The following PPARGC1A variants were observed in gnomAD, a reference collection of about 807,000 sequenced individuals.
The protein encoded by PPARGC1A is PPARG coactivator 1 alpha, also known as peroxisome proliferator-activated receptor gamma coactivator 1-alpha.
PPARGC1A carries 25 observed loss-of-function variants against 88.7 expected under a neutral mutation model. The observed-to-expected ratio is 0.28, with a 90% CI of 0.21 to 0.39. PPARGC1A has a LOEUF of 0.39. Among genes scored for constraint, PPARGC1A ranks in the 10% least tolerant of loss-of-function variants. PPARGC1A has a pLI of 1.00. For synonymous variants in PPARGC1A, 363 were observed against 355.6 expected, an observed-to-expected ratio of 1.02 and a Z score of -0.24; for missense variants, 880 against 968.7, an observed-to-expected ratio of 0.91 and a Z score of 1.22.
At chr4:24,421,936 T>TA in the PPARGC1A span, among the ~76,000 whole-genome samples, 6 of 149,666 alleles carry the variant, frequency 4.0e-5, no homozygotes, top group Admixed American at 2.0e-4. Context: ...AGTTGTTGGT[T>TA]AAAAAAAAAA....
the PPARGC1A span, among the ~76,000 whole-genome samples, chr4:24,220,866 C>T: frequency 7.2e-5 from 11 of 151,962 alleles, no homozygotes; most frequent in Non-Finnish European, 1.5e-4. Context: ...CCTCTTGAAT[C>T]TAAAAAAAGA....
chr4:23,883,139 C>CA (rs1246726717), intron 2 of PPARGC1A: 3 of 152,198 alleles, frequency 2.0e-5, no homozygotes, highest in African/African-American at 7.2e-5. Context: ...GCCAAGTCCT[C>CA]ACATGAACTT....
chr4:24,422,936 C>T, the PPARGC1A span, among the ~76,000 whole-genome samples: 7 of 152,204 alleles, frequency 4.6e-5, no homozygotes, highest in Admixed American at 3.3e-4. Context: ...CATGCCGATT[C>T]ACTAAGGTGG....
chr4:24,195,561 CG>C, the PPARGC1A span, among the ~76,000 whole-genome samples: 13 of 152,202 alleles, frequency 8.5e-5, 1 homozygote, highest in African/African-American at 3.1e-4. Context: ...ACCAGATTTG[CG>C]TAATTAAATG....
chr4:24,230,953 AAAAAAT>A, the PPARGC1A span, among the ~76,000 whole-genome samples: 38 of 151,464 alleles, frequency 2.5e-4, no homozygotes, highest in Non-Finnish European at 5.5e-4. Flanking sequence ...AATTTATTAA[AAAAAAT>A]AAAAAAAGAC....
At chr4:23,817,921 C>A (rs186225565) in intron 7 of PPARGC1A, among the ~76,000 whole-genome samples, 1 of 152,202 alleles carries the variant, frequency 6.6e-6, no homozygotes, top group Non-Finnish European at 1.5e-5. Flanking sequence ...TAGTGTTAAA[C>A]TTTTCAGAGC....
At position 23,813,440 on chromosome 4, in the gene PPARGC1A, G is replaced by A. The variant is rs1456031134; in HGVS notation, c.1793+250C>T. Among the ~76,000 whole-genome samples the A allele has an allele frequency of 2.6e-5, 4 of 152,150 alleles. No homozygotes were observed. In the East Asian group the frequency reaches 5.8e-4, roughly 22 times the overall value. On this transcript the variant is annotated intron_variant, in intron 8 of 12. Transcript: ENST00000264867. ...CTCCAGGTAATGGAAAAAGTTGGATGAGCAAGTTTCTTAACAAATTGCTCT... is the reference window on the plus strand; with the variant it reads ...CTCCAGGTAATGGAAAAAGTTGGATAAGCAAGTTTCTTAACAAATTGCTCT...
chr4:24,440,989 C>T, the PPARGC1A span, among the ~76,000 whole-genome samples: 1 of 152,284 alleles, frequency 6.6e-6, no homozygotes, highest in African/African-American at 2.4e-5. Context: ...CAGCTGCTTC[C>T]CCCAGAAAAG....
the PPARGC1A span, among the ~76,000 whole-genome samples, chr4:24,368,913 C>T: frequency 6.6e-6 from 1 of 152,126 alleles, no homozygotes; most frequent in Non-Finnish European, 1.5e-5. Context: ...ATCTTATTCT[C>T]TCCTTTGAAA....
intron 2 of PPARGC1A, among the ~76,000 whole-genome samples, chr4:23,865,013 A>G (rs889047522): frequency 3.3e-5 from 5 of 152,112 alleles, no homozygotes; most frequent in Admixed American, 2.0e-4. Context: ...GTGAGACCCC[A>G]TCTCCACTAA....
chr4:24,104,969 C>A, the PPARGC1A span, among the ~76,000 whole-genome samples: 7 of 152,194 alleles, frequency 4.6e-5, no homozygotes, highest in Non-Finnish European at 1.0e-4. Flanking sequence ...TCATACTTCA[C>A]TGGGCTGATG....
the PPARGC1A span, among the ~76,000 whole-genome samples, chr4:24,357,345 G>A: frequency 6.6e-6 from 1 of 152,184 alleles, no homozygotes; most frequent in African/African-American, 2.4e-5. Context: ...AACCCAGGTT[G>A]GCTAATGCCA....
At chr4:24,412,537 A>G in the PPARGC1A span, among the ~76,000 whole-genome samples, 1 of 152,018 alleles carries the variant, frequency 6.6e-6, no homozygotes, top group Non-Finnish European at 1.5e-5. Flanking sequence ...CTGGAGTGCA[A>G]TGGCTCAATC....
chr4:24,339,267 T>C, the PPARGC1A span, among the ~76,000 whole-genome samples: 9 of 112,476 alleles, frequency 8.0e-5, no homozygotes, highest in South Asian at 3.3e-4. Context: ...CACACACACA[T>C]CAGAATTCCA....
At chr4:24,425,784 G>A in the PPARGC1A span, among the ~76,000 whole-genome samples, 5 of 152,212 alleles carry the variant, frequency 3.3e-5, 1 homozygote, top group South Asian at 1.0e-3. Context: ...GCACTTTCAG[G>A]GAGAGAATTC....
chr4:24,175,425 A>G, the PPARGC1A span, among the ~76,000 whole-genome samples: 1 of 124,696 alleles, frequency 8.0e-6, no homozygotes, highest in African/African-American at 3.2e-5. Context: ...CCCAGGCTGG[A>G]GCGTAGTGGC....
the PPARGC1A span, among the ~76,000 whole-genome samples, chr4:24,157,926 T>TA: frequency 1.3e-5 from 2 of 152,182 alleles, no homozygotes; most frequent in East Asian, 1.9e-4. Context: ...CTTTTCAATT[T>TA]AAAAAACCAC....
chr4:24,163,101 CTTTA>C, the PPARGC1A span, among the ~76,000 whole-genome samples: 18 of 150,558 alleles, frequency 1.2e-4, no homozygotes, highest in East Asian at 3.1e-3. Context: ...ATACAATAGT[CTTTA>C]TTTATTTCTC....
At chr4:23,925,850 GAA>G in the PPARGC1A span, among the ~76,000 whole-genome samples, 2 of 144,572 alleles carry the variant, frequency 1.4e-5, no homozygotes, top group Non-Finnish European at 1.5e-5. Flanking sequence ...GAGAGAGAGA[GAA>G]AAAAATTTTT....
Sources: gnomAD v4.1 joint callset for allele counts (sites outside exome capture counted in the v4.1 genomes callset) on GRCh38, gnomAD v4.1.1 for gene constraint, MANE v1.5 for transcripts, NCBI Gene and HGNC (gene_info 2026-07-23, HGNC 2026-07-21) for gene names.